The following MARCHF1 variants were observed in gnomAD, a reference collection of about 807,000 sequenced individuals.
MARCHF1 encodes E3 ubiquitin-protein ligase MARCHF1.
A neutral mutation model predicts 54.2 loss-of-function variants in MARCHF1; 40 were observed. The ratio of observed to expected loss-of-function variants is 0.74; its 90% CI spans 0.57 to 0.96. The LOEUF is 0.96. Among genes scored for constraint, MARCHF1 ranks in the 40% least tolerant of loss-of-function variants. The probability of loss-of-function intolerance (pLI) is 0.00; values close to 1 mark genes in which losing one functional copy is unlikely to be tolerated. For missense variants in MARCHF1, 586 were observed against 656.5 expected (o/e 0.89, Z 1.17); for synonymous variants, 236 against 236.3 (o/e 1.00, Z 0.01).
chr4:163,956,542 C>T (rs1752236623), intron 3 of MARCHF1, among the ~76,000 whole-genome samples: 1 of 151,764 alleles, frequency 6.6e-6, no homozygotes, highest in South Asian at 2.1e-4. Flanking sequence ...CTTTAAGCAA[C>T]AAATAAAGAT....
At position 163,896,324 on chromosome 4, in the gene MARCHF1, G is replaced by C. The variant is rs913281469; in HGVS notation, c.-38-42155C>G. On this transcript the variant is annotated intron_variant, in intron 3 of 9. Coordinates refer to ENST00000514618, the MANE Select transcript of MARCHF1 (RefSeq NM_001394959.1). ...CTCTGTAGCACTGCCTGGAAGTCAGGAAGGCTGAATTTTGATTCCAGCTCT... is the reference window on the plus strand; with the variant it reads ...CTCTGTAGCACTGCCTGGAAGTCAGCAAGGCTGAATTTTGATTCCAGCTCT... Among the ~76,000 whole-genome samples the C allele has an allele frequency of 1.3e-4, 20 of 152,290 alleles. 1 individual carries two copies. The highest frequency in any genetic ancestry group is 4.8e-4 in the African/African-American group (20 of 41,552).
At chr4:164,225,266 A>G (rs756814968) in intron 1 of MARCHF1, among the ~76,000 whole-genome samples, 5 of 152,064 alleles carry the variant, frequency 3.3e-5, no homozygotes, top group African/African-American at 4.8e-5. Context: ...TTTTTGTCTC[A>G]AGTATATCGT....
At chr4:163,949,096 A>G (rs1752079323) in intron 3 of MARCHF1, among the ~76,000 whole-genome samples, 1 of 152,048 alleles carries the variant, frequency 6.6e-6, no homozygotes, top group African/African-American at 2.4e-5. Context: ...TCTGCACTCA[A>G]CTCTCACTAC....
chr4:163,660,217 G>A (rs1281529497), intron 5 of MARCHF1, among the ~76,000 whole-genome samples: 1 of 152,026 alleles, frequency 6.6e-6, no homozygotes, highest in Non-Finnish European at 1.5e-5. Flanking sequence ...GGAATACTAT[G>A]CAGCCATAAA....
intron 5 of MARCHF1, among the ~76,000 whole-genome samples, chr4:163,624,328 C>T (rs1423958886): frequency 6.6e-6 from 1 of 152,124 alleles, no homozygotes; most frequent in East Asian, 1.9e-4. Flanking sequence ...ATAAATGCGC[C>T]AACACCCATT....
At chr4:163,706,418 T>G (rs1744951258) in intron 4 of MARCHF1, among the ~76,000 whole-genome samples, 1 of 152,090 alleles carries the variant, frequency 6.6e-6, no homozygotes. Context: ...TTTGATTTAT[T>G]TAATATTGTG....
At chr4:164,041,088 C>G (rs1342847589) in intron 2 of MARCHF1, among the ~76,000 whole-genome samples, 1 of 152,076 alleles carries the variant, frequency 6.6e-6, no homozygotes. Flanking sequence ...TATAACAAAA[C>G]TGTTACCACA....
chr4:164,026,174 C>T (rs1753764809), intron 2 of MARCHF1, among the ~76,000 whole-genome samples: 1 of 152,072 alleles, frequency 6.6e-6, no homozygotes, highest in Admixed American at 6.6e-5. Flanking sequence ...GACCTGGTAC[C>T]AATTCTGCTG....
At chr4:163,563,000 C>T (rs151120144) in intron 8 of MARCHF1, among the ~76,000 whole-genome samples, 102 of 152,256 alleles carry the variant, frequency 6.7e-4, no homozygotes, top group African/African-American at 2.3e-3. Context: ...TTTTCTAGCT[C>T]GAATGTTGTG....
intron 2 of MARCHF1, among the ~76,000 whole-genome samples, chr4:164,099,314 T>C (rs1324832801): frequency 6.6e-6 from 1 of 152,230 alleles, no homozygotes; most frequent in Non-Finnish European, 1.5e-5. Flanking sequence ...AAGAGCAGGT[T>C]AGAATGTTAG....
intron 1 of MARCHF1, among the ~76,000 whole-genome samples, chr4:164,248,225 G>A (rs1267579454): frequency 6.6e-6 from 1 of 151,910 alleles, no homozygotes; most frequent in Non-Finnish European, 1.5e-5. Flanking sequence ...TCTCGAGCTG[G>A]TTATGTGGTT....
intron 1 of MARCHF1, among the ~76,000 whole-genome samples, chr4:164,310,777 A>C (rs1734828846): frequency 6.6e-6 from 1 of 152,144 alleles, no homozygotes; most frequent in African/African-American, 2.4e-5. Context: ...CTTCATAAGG[A>C]AACTGAGAGA....
chr4:164,376,006 T>G (rs1338305052), intron 1 of MARCHF1, among the ~76,000 whole-genome samples: 1 of 152,198 alleles, frequency 6.6e-6, no homozygotes, highest in South Asian at 2.1e-4. Flanking sequence ...TTCATTATAC[T>G]CACTTTTGCG....
intron 3 of MARCHF1, among the ~76,000 whole-genome samples, chr4:163,903,806 G>T (rs1750995952): frequency 6.6e-6 from 1 of 151,974 alleles, no homozygotes. Context: ...TAGAGATATA[G>T]TTGCCAAGAT....
chr4:164,103,963 A>T (rs1278590752), intron 2 of MARCHF1, among the ~76,000 whole-genome samples: 1 of 150,752 alleles, frequency 6.6e-6, no homozygotes, highest in East Asian at 1.9e-4. Context: ...AATACAAACT[A>T]CCATCAGGGA....
intron 2 of MARCHF1, among the ~76,000 whole-genome samples, chr4:164,088,881 C>A (rs550533488): frequency 3.9e-5 from 6 of 152,108 alleles, no homozygotes; most frequent in Non-Finnish European, 7.4e-5. Flanking sequence ...GGATTATTTT[C>A]TTTAAATTAT....
intron 4 of MARCHF1, among the ~76,000 whole-genome samples, chr4:163,806,257 T>C (rs943924148): frequency 1.3e-5 from 2 of 152,212 alleles, no homozygotes; most frequent in African/African-American, 4.8e-5. Flanking sequence ...TATTTCTCAG[T>C]TGGCTCCACA....
chr4:163,761,214 G>A (rs1434094696), intron 4 of MARCHF1, among the ~76,000 whole-genome samples: 1 of 152,120 alleles, frequency 6.6e-6, no homozygotes, highest in Non-Finnish European at 1.5e-5. Context: ...GAAGGGATTC[G>A]TTATATAGAT....
intron 5 of MARCHF1, among the ~76,000 whole-genome samples, chr4:163,690,929 A>T (rs745937820): frequency 2.6e-5 from 4 of 152,188 alleles, no homozygotes; most frequent in Non-Finnish European, 5.9e-5. Context: ...AAACCTGCAG[A>T]GCCCAAAGCG....
Sources: allele counts gnomAD v4.1 joint callset (sites outside exome capture counted in the v4.1 genomes callset), GRCh38; gene constraint gnomAD v4.1.1; transcripts MANE v1.5; gene names NCBI Gene and HGNC (gene_info 2026-07-23, HGNC 2026-07-21).